MACROD1: variants seen among roughly 807,000 people sequenced by gnomAD.
MACROD1 encodes the protein ADP-ribose glycohydrolase MACROD1.
In MACROD1, 31 loss-of-function variants were observed where a neutral mutation model predicts 41.4. The observed-to-expected ratio is 0.75, with a 90% CI of 0.56 to 1.01. The LOEUF is 1.01. MACROD1 is among the 50% of genes least tolerant of loss of function. MACROD1 has a pLI of 0.00. For missense variants in MACROD1, 473 were observed against 460.0 expected (o/e 1.03, Z -0.26); for synonymous variants, 252 against 203.4 (o/e 1.24, Z -2.03).
At chr11:64,151,201 G>A (rs1262309531) in intron 3 of MACROD1, 38 bp downstream of exon 3, 1 of 1,558,062 alleles carries the variant, frequency 6.4e-7, no homozygotes, top group Non-Finnish European at 8.8e-7. Context: ...AAGGCAACAG[G>A]GCGGCCACCA....
intron 1 of MACROD1, among the ~76,000 whole-genome samples, chr11:64,156,714 G>A (rs1193144304): frequency 6.6e-6 from 1 of 152,154 alleles, no homozygotes; most frequent in Non-Finnish European, 1.5e-5. Flanking sequence ...CTTCTCTCCA[G>A]CAAAGCCCAC....
chr11:64,152,830 G>A (rs1401388384), intron 1 of MACROD1, among the ~76,000 whole-genome samples: 11 of 152,206 alleles, frequency 7.2e-5, no homozygotes, highest in Admixed American at 5.2e-4. Flanking sequence ...CAGTCCCACC[G>A]CCAGTCAGTT....
intron 1 of MACROD1, among the ~76,000 whole-genome samples, chr11:64,163,046 C>G (rs1465106469): frequency 6.6e-6 from 1 of 151,062 alleles, no homozygotes; most frequent in African/African-American, 2.4e-5. Flanking sequence ...ACTTGAACCC[C>G]GGAGGCGGAG....
chr11:64,152,167 G>A (rs1382675174), intron 2 of MACROD1, 125 bp downstream of exon 2: 22 of 727,174 alleles, frequency 3.0e-5, no homozygotes, highest in Admixed American at 2.1e-4. Flanking sequence ...GGTGATACAC[G>A]CGGAGCACCT....
At chr11:64,053,128 G>A (rs1465508714) in intron 3 of MACROD1, among the ~76,000 whole-genome samples, 2 of 152,216 alleles carry the variant, frequency 1.3e-5, no homozygotes, top group Non-Finnish European at 2.9e-5. Flanking sequence ...CCAAGAAGGT[G>A]CAGTCACCAG....
rs767683509 is a variant in MACROD1 at position 63,999,308 on chromosome 11, C to T, written c.891+23G>A. On this transcript the variant is annotated intron_variant, in intron 8 of 10. Coordinates refer to ENST00000255681, the MANE Select transcript of MACROD1 (RefSeq NM_014067.4). ...ACTCTGGCCGGGATGCGGACCCCACCCTCGCCCGGGCCCAGGACTCACCTT... is the reference window on the plus strand; with the variant it reads ...ACTCTGGCCGGGATGCGGACCCCACTCTCGCCCGGGCCCAGGACTCACCTT... 2.1e-5 allele frequency: 33 copies of T among 1,552,294 alleles called. No individual in the cohort carries two copies. The African/African-American group carries it at 4.3e-4, about 20-fold the overall frequency.
At chr11:64,022,697 GT>G (rs1943173658) in intron 3 of MACROD1, among the ~76,000 whole-genome samples, 1 of 152,142 alleles carries the variant, frequency 6.6e-6, no homozygotes, top group South Asian at 2.1e-4. Flanking sequence ...GACAAGCTCT[GT>G]CCCCCCAGGC....
At chr11:64,058,714 C>G (rs1336765397) in intron 3 of MACROD1, among the ~76,000 whole-genome samples, 1 of 152,272 alleles carries the variant, frequency 6.6e-6, no homozygotes, top group Non-Finnish European at 1.5e-5. Context: ...CCCTGGCCAG[C>G]GATGCCAATT....
chr11:64,074,242 G>A (rs764422514), intron 3 of MACROD1, among the ~76,000 whole-genome samples: 3 of 152,220 alleles, frequency 2.0e-5, no homozygotes, highest in Non-Finnish European at 4.4e-5. Flanking sequence ...TGCAGTTCGT[G>A]GGGTTCTTTC....
Position 64,067,699 on chromosome 11 carries a change from G to A in MACROD1, c.518-52418C>T, listed in dbSNP as rs1944030326. On this transcript the variant is annotated intron_variant, in intron 3 of 10. Transcript: ENST00000255681. This position sits in a 1 kb window ranked among gnomAD's most constrained non-coding sequence, Gnocchi z 4.6. ...GGTGCCTGGAGCTGCCCTGCCTGCA[G>A]TGATTGCGGACACGCCCCTCGCGAG... 6.6e-6 allele frequency among the ~76,000 whole-genome samples: 1 copy of A among 152,210 alleles called. No homozygotes were observed. The highest frequency in any genetic ancestry group is 2.4e-5 in the African/African-American group (1 of 41,450).
At chr11:64,110,189 C>T (rs1280523265) in intron 3 of MACROD1, among the ~76,000 whole-genome samples, 2 of 152,104 alleles carry the variant, frequency 1.3e-5, no homozygotes, top group Admixed American at 6.5e-5. Flanking sequence ...GTGGCTCACG[C>T]GTATAATCTC....
chr11:64,030,053 A>AC (rs1337504085), intron 3 of MACROD1, among the ~76,000 whole-genome samples: 8 of 151,056 alleles, frequency 5.3e-5, no homozygotes, highest in Non-Finnish European at 1.2e-4. Context: ...TGGAACAACC[A>AC]CCCCCCGGGT....
intron 3 of MACROD1, among the ~76,000 whole-genome samples, chr11:64,057,091 C>T (rs797013345): frequency 1.4e-4 from 22 of 152,360 alleles, no homozygotes; most frequent in African/African-American, 5.3e-4. Context: ...CCAGCTCTCA[C>T]GAAACAGGGC....
chr11:64,013,773 G>C (rs1355307069), intron 4 of MACROD1, among the ~76,000 whole-genome samples: 1 of 152,222 alleles, frequency 6.6e-6, no homozygotes, highest in Admixed American at 6.5e-5. Flanking sequence ...CTGGGCTCCA[G>C]TCATTCCTGT....
chr11:64,079,069 C>T (rs1351397292), intron 3 of MACROD1, among the ~76,000 whole-genome samples: 6 of 87,768 alleles, frequency 6.8e-5, no homozygotes, highest in South Asian at 4.0e-4. Context: ...AGACCGGGGG[C>T]GGTGGGGAGG....
chr11:64,117,372 A>G (rs1945007712), intron 3 of MACROD1: 1 of 1,613,242 alleles, frequency 6.2e-7, no homozygotes, highest in Non-Finnish European at 8.5e-7. Context: ...CATGGCCATC[A>G]AGGACATTAC....
intron 3 of MACROD1, among the ~76,000 whole-genome samples, chr11:64,021,898 G>A (rs1352210313): frequency 7.0e-6 from 1 of 142,276 alleles, no homozygotes; most frequent in Non-Finnish European, 1.5e-5. Context: ...GAGTGCCAGA[G>A]GCCGAGAAGG....
chr11:64,062,722 G>A (rs1363907260), intron 3 of MACROD1, among the ~76,000 whole-genome samples: 1 of 152,148 alleles, frequency 6.6e-6, no homozygotes, highest in African/African-American at 2.4e-5. Context: ...CCTGCCCCGC[G>A]CAGCCTGACC....
intron 4 of MACROD1, among the ~76,000 whole-genome samples, chr11:64,010,486 C>CTGGGGTGTTGGTTGGGGTGTTGGT (rs1397661015): frequency 1.2e-4 from 14 of 113,808 alleles, no homozygotes; most frequent in African/African-American, 1.7e-4. Context: ...GGGGTGTTGG[C>CTGGGGTGTTGGTTGGGGTGTTGGT]TGGGGTGTTG....
Sources: allele counts gnomAD v4.1 joint callset (sites outside exome capture counted in the v4.1 genomes callset), GRCh38; gene constraint gnomAD v4.1.1; non-coding constraint Gnocchi (gnomAD v3.1); transcripts MANE v1.5; gene names NCBI Gene and HGNC (gene_info 2026-07-23, HGNC 2026-07-21).